MSH4: variants seen among roughly 807,000 people sequenced by gnomAD.
MSH4 encodes the protein mutS homolog 4.
Under a neutral mutation model 113.7 loss-of-function variants are expected in MSH4, and 106 were observed. That is an observed-to-expected ratio of 0.93 (90% CI 0.80 to 1.10). The LOEUF is 1.10. Among genes scored for constraint, MSH4 ranks in the 50% least tolerant of loss-of-function variants. The pLI, the probability that MSH4 is intolerant of heterozygous loss-of-function variation, is 0.00. For missense variants in MSH4, 1,061 were observed against 1,093.7 expected (o/e 0.97, Z 0.42); for synonymous variants, 368 against 380.2 (o/e 0.97, Z 0.37).
At chr1:75,868,034 A>T (rs1651626987) in intron 9 of MSH4, among the ~76,000 whole-genome samples, 2 of 151,894 alleles carry the variant, frequency 1.3e-5, no homozygotes, top group Non-Finnish European at 2.9e-5. Context: ...GTTTTTTAAA[A>T]CTCCTTTGAA....
At chr1:75,907,830 C>T (rs573324407) in intron 19 of MSH4, among the ~76,000 whole-genome samples, 2 of 150,040 alleles carry the variant, frequency 1.3e-5, no homozygotes, top group South Asian at 2.1e-4. Flanking sequence ...ATTTCTTGTG[C>T]CTCAGCTACC....
chr1:75,848,734 G>C (rs958135168), intron 8 of MSH4, among the ~76,000 whole-genome samples: 10 of 151,748 alleles, frequency 6.6e-5, no homozygotes, highest in Non-Finnish European at 1.0e-4. Flanking sequence ...GTGAGGCCTT[G>C]TCACAAAAAA....
At chr1:75,900,572 G>T (rs1652485784) in intron 19 of MSH4, among the ~76,000 whole-genome samples, 1 of 152,118 alleles carries the variant, frequency 6.6e-6, no homozygotes, top group Non-Finnish European at 1.5e-5. Context: ...CTCCCAAAGT[G>T]CTGGGATTAC....
chr1:75,832,589 G>A (rs12079211), intron 7 of MSH4, among the ~76,000 whole-genome samples: 1 of 152,014 alleles, frequency 6.6e-6, no homozygotes, highest in South Asian at 2.1e-4. Flanking sequence ...TATCCACCAC[G>A]ATCAAGGCGG....
At chr1:75,874,297 C>T (rs915512982) in intron 9 of MSH4, among the ~76,000 whole-genome samples, 7 of 152,074 alleles carry the variant, frequency 4.6e-5, no homozygotes, top group African/African-American at 1.4e-4. Flanking sequence ...CTTTCTTGAA[C>T]AGCGTGCTAG....
At chr1:75,856,969 T>G (rs1651332404) in intron 8 of MSH4, among the ~76,000 whole-genome samples, 1 of 152,200 alleles carries the variant, frequency 6.6e-6, no homozygotes, top group African/African-American at 2.4e-5. Flanking sequence ...GACTTTTTAA[T>G]GATCGCCATT....
At chr1:75,837,386 C>CTTTTT (rs34812368) in intron 7 of MSH4, among the ~76,000 whole-genome samples, 1 of 106,628 alleles carries the variant, frequency 9.4e-6, no homozygotes, top group Non-Finnish European at 1.9e-5. Context: ...AAATTGTGCC[C>CTTTTT]TTTTTTTTTT....
At chr1:75,858,527 T>TGGTTTTTGTCGTTGGTTC (rs1553135967) in intron 8 of MSH4, among the ~76,000 whole-genome samples, 1 of 152,236 alleles carries the variant, frequency 6.6e-6, no homozygotes, top group Non-Finnish European at 1.5e-5. Context: ...GATAATCATG[T>TGGTTTTTGTCGTTGGTTC]GGTTTTTGTC....
At chr1:75,824,947 T>G (rs1421378740) in intron 7 of MSH4, among the ~76,000 whole-genome samples, 3 of 147,518 alleles carry the variant, frequency 2.0e-5, no homozygotes, top group African/African-American at 7.6e-5. Flanking sequence ...CTATATGATC[T>G]CTTTTTTCAT....
chr1:75,857,064 CTGTT>C (rs1376938332), intron 8 of MSH4, among the ~76,000 whole-genome samples: 1 of 152,076 alleles, frequency 6.6e-6, no homozygotes, highest in Non-Finnish European at 1.5e-5. Context: ...TTTCATATGT[CTGTT>C]GGCTGCATAA....
intron 3 of MSH4, among the ~76,000 whole-genome samples, chr1:75,807,903 A>T (rs1303866134): frequency 6.6e-6 from 1 of 152,138 alleles, no homozygotes; most frequent in Non-Finnish European, 1.5e-5. Flanking sequence ...GCAAATACAG[A>T]AATTGCATTT....
At chr1:75,886,987 A>G (rs1186604075) in intron 15 of MSH4, among the ~76,000 whole-genome samples, 2 of 151,754 alleles carry the variant, frequency 1.3e-5, no homozygotes, top group South Asian at 2.1e-4. Context: ...AAGGGCTTCA[A>G]TAAATAGGTA....
chr1:75,806,939 A>G, intron 2 of MSH4, 42 bp from the exon 3 acceptor site: 1 of 1,476,446 alleles, frequency 6.8e-7, no homozygotes. Flanking sequence ...AGAAATGATT[A>G]TTATCAATGT....
At chr1:75,806,404 C>G (rs567549299) in intron 2 of MSH4, among the ~76,000 whole-genome samples, 2 of 151,908 alleles carry the variant, frequency 1.3e-5, no homozygotes, top group East Asian at 3.9e-4. Flanking sequence ...CCTGCCACCA[C>G]GCCTGGCTAA....
intron 7 of MSH4, among the ~76,000 whole-genome samples, chr1:75,835,050 A>G (rs1650798976): frequency 1.3e-5 from 2 of 152,226 alleles, no homozygotes; most frequent in Non-Finnish European, 2.9e-5. Flanking sequence ...GTTTATATGT[A>G]CTACTCTTTG....
chr1:75,878,828 GAA>G (rs71793168), intron 11 of MSH4, among the ~76,000 whole-genome samples, 162 bp from the exon 12 acceptor site: 40,168 of 140,270 alleles, frequency 0.29, 6,854 homozygotes, highest in East Asian at 0.7. Context: ...GATCTGTCTT[GAA>G]AAAAAAAAAA....
chr1:75,884,662 T>C (rs1652020499), intron 15 of MSH4, among the ~76,000 whole-genome samples: 2 of 152,036 alleles, frequency 1.3e-5, no homozygotes, highest in South Asian at 2.1e-4. Flanking sequence ...ATAAGAAAGA[T>C]TTATTGAGCC....
intron 7 of MSH4, among the ~76,000 whole-genome samples, chr1:75,825,435 C>T (rs188151959): frequency 6.6e-6 from 1 of 152,180 alleles, no homozygotes; most frequent in East Asian, 1.9e-4. Context: ...TTTCTCTCTT[C>T]CTATATGAAT....
rs1352231710 is a variant in MSH4, at chr1:75,801,646, G to A, written c.245-2085G>A. Among the ~76,000 whole-genome samples the A allele has an allele frequency of 2.6e-5, 4 of 151,988 alleles. No individual in the cohort carries two copies. In the East Asian group the frequency reaches 7.7e-4, roughly 29 times the overall value. ...CTCAGTGCTTTGGGAGGCTGAAGTGGGAGGATTGCTTGAGGCCAGGTGTTT... is the reference window on the plus strand; with the variant it reads ...CTCAGTGCTTTGGGAGGCTGAAGTGAGAGGATTGCTTGAGGCCAGGTGTTT... On this transcript the variant is annotated intron_variant, in intron 1 of 19. Coordinates refer to ENST00000263187, the MANE Select transcript of MSH4 (RefSeq NM_002440.4).
Sources: gnomAD v4.1 joint callset for allele counts (sites outside exome capture counted in the v4.1 genomes callset) on GRCh38, gnomAD v4.1.1 for gene constraint, MANE v1.5 for transcripts, NCBI Gene and HGNC (gene_info 2026-07-23, HGNC 2026-07-21) for gene names.